Variants in IPCEF1 observed in about 807,000 individuals in gnomAD.
The protein encoded by IPCEF1 is interaction protein for cytohesin exchange factors 1, also known as interactor protein for cytohesin exchange factors 1.
A neutral mutation model predicts 50.9 loss-of-function variants in IPCEF1; 31 were observed. The ratio of observed to expected loss-of-function variants is 0.61; its 90% confidence interval spans 0.46 to 0.82. The LOEUF (loss-of-function observed/expected upper bound fraction) is 0.82, where lower values mean the gene tolerates loss of function less well. IPCEF1 is among the 40% of genes least tolerant of loss of function. IPCEF1 has a pLI of 0.00. For synonymous variants in IPCEF1, 181 were observed against 192.0 expected (o/e 0.94, Z 0.47); for missense variants, 458 against 514.0 (o/e 0.89, Z 1.05).
chr6:154,218,393 G>A (rs1000075416), intron 7 of IPCEF1, among the ~76,000 whole-genome samples: 4 of 152,122 alleles, frequency 2.6e-5, no homozygotes, highest in Admixed American at 6.5e-5. Flanking sequence ...CAGAACATGC[G>A]GAGTTTCTAC....
chr6:154,277,979 C>T (rs1287670665), intron 2 of IPCEF1, among the ~76,000 whole-genome samples: 5 of 152,118 alleles, frequency 3.3e-5, no homozygotes, highest in Non-Finnish European at 7.3e-5. Context: ...GCACCCACCT[C>T]CTCATCTTCC....
chr6:154,205,655 T>C (rs1295140162), intron 9 of IPCEF1, among the ~76,000 whole-genome samples: 1 of 152,204 alleles, frequency 6.6e-6, no homozygotes, highest in Non-Finnish European at 1.5e-5. Flanking sequence ...ATTATTTAAT[T>C]AGTTACCTAA....
chr6:154,197,336 CAA>C (rs779496553), intron 10 of IPCEF1, among the ~76,000 whole-genome samples: 1 of 152,072 alleles, frequency 6.6e-6, no homozygotes, highest in Non-Finnish European at 1.5e-5. Flanking sequence ...CAAATGCAAG[CAA>C]AGATTGGGTT....
intron 2 of IPCEF1, among the ~76,000 whole-genome samples, chr6:154,284,423 G>A (rs920739063): frequency 5.3e-5 from 8 of 152,082 alleles, no homozygotes; most frequent in Admixed American, 2.6e-4. Context: ...CTTCTCCCTC[G>A]GCCCCCAGGA....
chr6:154,172,895 C>T (rs532580613), intron 10 of IPCEF1, among the ~76,000 whole-genome samples: 1 of 152,358 alleles, frequency 6.6e-6, no homozygotes, highest in South Asian at 2.1e-4. Context: ...TGACTGGAGC[C>T]TCACCTCCCA....
chr6:154,256,394 G>A (rs2128648634), intron 3 of IPCEF1, among the ~76,000 whole-genome samples: 1 of 152,112 alleles, frequency 6.6e-6, no homozygotes, highest in Middle Eastern at 3.4e-3. Flanking sequence ...AAATTTGTGG[G>A]GATTGAATAG....
At position 154,158,149 on chromosome 6, in the gene IPCEF1, A is replaced by G. The variant is rs1798788788; in HGVS notation, c.*1679T>C. ...CTTAGTAAAGCTTGGGGAACTATTC[A>G]ACAACTATTTCCATTTTGTTTGCAG... On this transcript the variant is annotated 3_prime_UTR_variant, in exon 12 of 12. Transcript: ENST00000367220. 1.3e-5 allele frequency: 2 copies of G among 152,226 alleles called. No homozygotes were observed. Among genetic ancestry groups the G allele is most frequent in the Admixed American group, 6.5e-5 (1 of 15,284 alleles). The allele number at this position is 152,226 out of a possible 1,614,324, so 9.4% of individuals were successfully genotyped here.
intron 5 of IPCEF1, among the ~76,000 whole-genome samples, chr6:154,230,296 TG>T (rs1779619809): frequency 6.6e-6 from 1 of 152,144 alleles, no homozygotes; most frequent in Non-Finnish European, 1.5e-5. Flanking sequence ...ATATTGATAA[TG>T]GGGAGGTTGT....
At chr6:154,308,276 T>G (rs893415587) in intron 1 of IPCEF1, among the ~76,000 whole-genome samples, 1 of 152,168 alleles carries the variant, frequency 6.6e-6, no homozygotes, top group African/African-American at 2.4e-5. Context: ...CACCATGCCC[T>G]GCTAATTTTT....
At chr6:154,242,938 C>A (rs543890647) in intron 5 of IPCEF1, among the ~76,000 whole-genome samples, 20 of 152,072 alleles carry the variant, frequency 1.3e-4, no homozygotes, top group African/African-American at 4.8e-4. Flanking sequence ...AGAGAGGAAG[C>A]CAAATTTAGG....
At chr6:154,214,641 A>C (rs1778238341) in intron 7 of IPCEF1, among the ~76,000 whole-genome samples, 1 of 152,210 alleles carries the variant, frequency 6.6e-6, no homozygotes, top group Non-Finnish European at 1.5e-5. Context: ...TAAAGTTATT[A>C]GGTGTTACTC....
intron 1 of IPCEF1, among the ~76,000 whole-genome samples, chr6:154,304,449 T>A (rs1399411762): frequency 2.0e-5 from 3 of 152,068 alleles, no homozygotes; most frequent in Non-Finnish European, 4.4e-5. Context: ...GCATGAATTA[T>A]TACAGGAAGG....
At chr6:154,263,996 G>A (rs1004777157) in intron 3 of IPCEF1, among the ~76,000 whole-genome samples, 8 of 82,370 alleles carry the variant, frequency 9.7e-5, no homozygotes, top group Admixed American at 3.8e-4. Flanking sequence ...CTGGCCGGGC[G>A]GGGGGCTGAC....
chr6:154,238,908 GATTCTAT>G (rs1780350734), intron 5 of IPCEF1, among the ~76,000 whole-genome samples: 1 of 151,484 alleles, frequency 6.6e-6, no homozygotes, highest in African/African-American at 2.4e-5. Context: ...TAAAAAGTTG[GATTCTAT>G]ATTGTTGTTT....
At chr6:154,164,256 T>A (rs1799248983) in intron 11 of IPCEF1, among the ~76,000 whole-genome samples, 1 of 152,186 alleles carries the variant, frequency 6.6e-6, no homozygotes, top group African/African-American at 2.4e-5. Flanking sequence ...GCTAATAAAA[T>A]TTTTAGAACA....
At chr6:154,259,418 C>G (rs1359208161) in intron 3 of IPCEF1, among the ~76,000 whole-genome samples, 1 of 152,046 alleles carries the variant, frequency 6.6e-6, no homozygotes, top group Non-Finnish European at 1.5e-5. Flanking sequence ...TTTGGGAGGC[C>G]AAGGCAGGAG....
At chr6:154,214,056 GTGTGAATA>G (rs1383801651) in intron 8 of IPCEF1, among the ~76,000 whole-genome samples, 154 bp downstream of exon 8, 1 of 152,166 alleles carries the variant, frequency 6.6e-6, no homozygotes, top group Non-Finnish European at 1.5e-5. Flanking sequence ...TGGTGAGTCT[GTGTGAATA>G]TGTCTGTCTC....
At chr6:154,183,200 C>T (rs572578416) in intron 10 of IPCEF1, among the ~76,000 whole-genome samples, 226 of 152,092 alleles carry the variant, frequency 1.5e-3, no homozygotes, top group Admixed American at 4.8e-3. Context: ...AGGATGGTCT[C>T]GATCTCCTGA....
intron 9 of IPCEF1, among the ~76,000 whole-genome samples, chr6:154,211,652 C>T (rs2128605086): frequency 1.3e-5 from 2 of 152,216 alleles, no homozygotes; most frequent in East Asian, 3.9e-4. Flanking sequence ...ATAAATCTGA[C>T]ATATTAAAAT....
Sources: allele counts gnomAD v4.1 joint callset (sites outside exome capture counted in the v4.1 genomes callset), GRCh38; gene constraint gnomAD v4.1.1; transcripts MANE v1.5; gene names NCBI Gene and HGNC (gene_info 2026-07-23, HGNC 2026-07-21).